SLC44A1: variants seen among roughly 807,000 people sequenced by gnomAD.
SLC44A1 encodes solute carrier family 44 member 1.
A neutral mutation model predicts 79.3 loss-of-function variants in SLC44A1; 26 were observed. That is an observed-to-expected ratio of 0.33 (90% CI 0.24 to 0.46). SLC44A1 has a LOEUF of 0.46. Among genes scored for constraint, SLC44A1 ranks in the 20% least tolerant of loss-of-function variants. The pLI is 1.00. For synonymous variants in SLC44A1, 263 were observed against 286.2 expected (o/e 0.92, Z 0.82); for missense variants, 688 against 798.1 (o/e 0.86, Z 1.66).
At chr9:105,272,947 C>G (rs886565079) in intron 1 of SLC44A1, among the ~76,000 whole-genome samples, 4 of 149,898 alleles carry the variant, frequency 2.7e-5, no homozygotes, top group Admixed American at 2.0e-4. Context: ...AATTTCAGTA[C>G]GTTTAATTTT....
chr9:105,368,192 T>C (rs1337081694), intron 12 of SLC44A1, among the ~76,000 whole-genome samples: 1 of 147,128 alleles, frequency 6.8e-6, no homozygotes, highest in African/African-American at 2.7e-5. Flanking sequence ...AACCCTGAGA[T>C]GTTGGTCTTT....
intron 2 of SLC44A1, chr9:105,299,878 A>C: frequency 1.0e-6 from 1 of 986,040 alleles, no homozygotes; most frequent in South Asian, 4.7e-5. Flanking sequence ...TTAGAGATCA[A>C]GGGACCTGGT....
At chr9:105,363,211 G>A (rs1827836097) in intron 9 of SLC44A1, among the ~76,000 whole-genome samples, 1 of 151,918 alleles carries the variant, frequency 6.6e-6, no homozygotes. Flanking sequence ...CACCCAGGCT[G>A]GAGTGAAGTG....
At chr9:105,365,409 CT>C in intron 10 of SLC44A1, 73 bp from the exon 11 acceptor site, 1 of 1,216,638 alleles carries the variant, frequency 8.2e-7, no homozygotes, top group East Asian at 2.4e-5. Context: ...CTGCGTTGGA[CT>C]CTAAACCATA....
intron 4 of SLC44A1, among the ~76,000 whole-genome samples, chr9:105,346,939 CTCATT>C (rs1827262315): frequency 6.6e-6 from 1 of 152,040 alleles, no homozygotes; most frequent in Admixed American, 6.6e-5. Flanking sequence ...GCTACATGCA[CTCATT>C]TCAGTATGCT....
intron 1 of SLC44A1, among the ~76,000 whole-genome samples, chr9:105,255,099 TTG>T (rs1380831518): frequency 3.3e-4 from 50 of 150,894 alleles, no homozygotes; most frequent in African/African-American, 1.2e-3. Context: ...TCAGGTTTTT[TTG>T]TTTTTTTTTT....
rs1828893198 is a variant in SLC44A1, at chr9:105,397,191, T to C, written c.*8135T>C. On this transcript the variant is annotated 3_prime_UTR_variant, in exon 16 of 16. Transcript: ENST00000374720. ...GAAACGGAGCTTTGAAATGTTTTTC[T>C]TGTGCAGAAATACGAACTAGAAAGA... 1.0e-6 allele frequency: 1 copy of C among 985,338 alleles called. No homozygotes were observed. The highest frequency in any genetic ancestry group is 4.7e-5 in the South Asian group (1 of 21,290). The allele number at this position is 985,338 out of a possible 1,614,324, so 61.0% of individuals were successfully genotyped here.
chr9:105,320,292 C>CTTTTTTTTT (rs34573916), intron 3 of SLC44A1, among the ~76,000 whole-genome samples: 1 of 119,086 alleles, frequency 8.4e-6, no homozygotes, highest in Non-Finnish European at 1.8e-5. Context: ...CAATATTTAA[C>CTTTTTTTTT]TTTTTTTTTT....
intron 15 of SLC44A1, chr9:105,386,519 A>G (rs1177661555): frequency 7.4e-6 from 5 of 671,558 alleles, no homozygotes; most frequent in Non-Finnish European, 7.4e-6. Flanking sequence ...TGGGCCGCAT[A>G]TGGCTTAGGA....
At chr9:105,291,814 C>G (rs1299884604) in intron 1 of SLC44A1, among the ~76,000 whole-genome samples, 1 of 152,174 alleles carries the variant, frequency 6.6e-6, no homozygotes, top group Non-Finnish European at 1.5e-5. Flanking sequence ...GATTCCTGGC[C>G]TGCCAGCTTA....
intron 15 of SLC44A1, among the ~76,000 whole-genome samples, chr9:105,437,491 C>T (rs980296871): frequency 6.6e-6 from 1 of 151,960 alleles, no homozygotes; most frequent in South Asian, 2.1e-4. Context: ...TATATATATA[C>T]ACACACATAT....
chr9:105,320,962 A>G (rs1241075861), intron 3 of SLC44A1, among the ~76,000 whole-genome samples: 1 of 152,216 alleles, frequency 6.6e-6, no homozygotes, highest in Admixed American at 6.5e-5. Context: ...CTAAATCTGT[A>G]TACAAGACCT....
At chr9:105,355,188 T>A (rs1827583203) in intron 5 of SLC44A1, among the ~76,000 whole-genome samples, 1 of 152,220 alleles carries the variant, frequency 6.6e-6, no homozygotes, top group Non-Finnish European at 1.5e-5. Flanking sequence ...AGAATCCGAG[T>A]AAATCACAAC....
In SLC44A1 at chr9:105,425,282, A is replaced by G. The variant is rs1435171747; in HGVS notation, c.1951-12999A>G. Among the ~76,000 whole-genome samples, 3 of 152,204 alleles carry G rather than the reference A, an allele frequency of 2.0e-5. No homozygotes were observed. The East Asian group carries it at 5.8e-4, about 29-fold the overall frequency. On this transcript the variant is annotated intron_variant, in intron 15 of 15. Coordinates refer to the SLC44A1 transcript ENST00000374724. ...ACTACACAGTACTAAGCTTTGACAT[A>G]TACATTGTTAAACATGGTGCATACA...
intron 1 of SLC44A1, among the ~76,000 whole-genome samples, chr9:105,274,819 T>C (rs1830162589): frequency 6.6e-6 from 1 of 152,198 alleles, no homozygotes; most frequent in Non-Finnish European, 1.5e-5. Flanking sequence ...CACACATAGA[T>C]AGGGTTAAGT....
At chr9:105,294,867 C>CTGTGTGTGTGTGTGTG (rs58548571) in intron 1 of SLC44A1, 1 of 130,800 alleles carries the variant, frequency 7.6e-6, no homozygotes, top group African/African-American at 2.9e-5. Context: ...AATTTTGAGT[C>CTGTGTGTGTGTGTGTG]TGTGTGTGTG....
intron 9 of SLC44A1, among the ~76,000 whole-genome samples, chr9:105,363,245 C>T (rs1827837012): frequency 6.6e-6 from 1 of 152,080 alleles, no homozygotes; most frequent in Non-Finnish European, 1.5e-5. Flanking sequence ...TCACTGCAAC[C>T]TCCGCCTCCC....
intron 13 of SLC44A1, among the ~76,000 whole-genome samples, chr9:105,376,093 T>C (rs1047163162): frequency 9.2e-5 from 14 of 152,172 alleles, no homozygotes; most frequent in African/African-American, 2.9e-4. Flanking sequence ...TATTGAACCC[T>C]TAGGTTGCTC....
At chr9:105,280,464 A>G (rs75495348) in intron 1 of SLC44A1, among the ~76,000 whole-genome samples, 3,157 of 152,298 alleles carry the variant, frequency 0.021, 108 homozygotes, top group African/African-American at 0.071. Flanking sequence ...CCAAAAGTTA[A>G]TGGAAGGTAA....
Sources: gnomAD v4.1 joint callset for allele counts (sites outside exome capture counted in the v4.1 genomes callset) on GRCh38, gnomAD v4.1.1 for gene constraint, MANE v1.5 for transcripts, NCBI Gene and HGNC (gene_info 2026-07-23, HGNC 2026-07-21) for gene names.